Variants in SPAG16 observed in about 807,000 individuals in gnomAD.
SPAG16 encodes sperm-associated antigen 16 protein.
A neutral mutation model predicts 80.4 loss-of-function variants in SPAG16; 86 were observed. That is an observed-to-expected ratio of 1.07 (90% CI 0.90 to 1.28). The LOEUF (loss-of-function observed/expected upper bound fraction) is 1.28. SPAG16 is among the 50% of genes most tolerant of loss of function. The probability of loss-of-function intolerance (pLI) is 0.00; values close to 1 mark genes in which losing one functional copy is unlikely to be tolerated. For synonymous variants in SPAG16, 294 were observed against 265.9 expected (o/e 1.11, Z -1.03); for missense variants, 870 against 765.3 (o/e 1.14, Z -1.61).
At chr2:214,077,362 A>G (rs1292736172) in intron 13 of SPAG16, among the ~76,000 whole-genome samples, 3 of 152,208 alleles carry the variant, frequency 2.0e-5, no homozygotes, top group Non-Finnish European at 2.9e-5. Context: ...TTCTAAACAC[A>G]TGTTTAAAAA....
chr2:213,783,420 G>A (rs1036150696), intron 10 of SPAG16, among the ~76,000 whole-genome samples: 3 of 148,074 alleles, frequency 2.0e-5, no homozygotes, highest in African/African-American at 7.4e-5. Flanking sequence ...CATTTTTGAA[G>A]GCAGAGTATC....
intron 15 of SPAG16, among the ~76,000 whole-genome samples, chr2:214,329,469 A>T (rs536305662): frequency 3.3e-5 from 5 of 152,370 alleles, no homozygotes; most frequent in African/African-American, 1.2e-4. Flanking sequence ...GTTCTGAGAA[A>T]GCAACAGCAC....
chr2:214,132,476 A>G (rs900968217), intron 14 of SPAG16, among the ~76,000 whole-genome samples: 24 of 152,204 alleles, frequency 1.6e-4, no homozygotes, highest in African/African-American at 5.5e-4. Flanking sequence ...GTATTAAACA[A>G]TGGTCTAGAA....
intron 10 of SPAG16, among the ~76,000 whole-genome samples, chr2:213,612,830 C>T (rs2125023771): frequency 6.6e-6 from 1 of 152,128 alleles, no homozygotes; most frequent in African/African-American, 2.4e-5. Context: ...ATTACAGGTG[C>T]CTGCCACCAC....
chr2:213,532,031 C>A (rs568215070), intron 10 of SPAG16, among the ~76,000 whole-genome samples: 1 of 152,240 alleles, frequency 6.6e-6, no homozygotes, highest in South Asian at 2.1e-4. Flanking sequence ...AAAATACTGG[C>A]ATCAAGAAAT....
intron 10 of SPAG16, among the ~76,000 whole-genome samples, chr2:213,616,127 G>A (rs1247590063): frequency 6.6e-6 from 1 of 152,132 alleles, no homozygotes; most frequent in Non-Finnish European, 1.5e-5. Context: ...GTTAACAAAT[G>A]CTCAAAGCCA....
intron 15 of SPAG16, among the ~76,000 whole-genome samples, chr2:214,301,476 G>T (rs1694549560): frequency 6.6e-6 from 1 of 151,946 alleles, no homozygotes; most frequent in Admixed American, 6.6e-5. Flanking sequence ...AAATCACCCA[G>T]GCAAGAGAAA....
At chr2:213,935,943 A>G (rs2078970431) in intron 12 of SPAG16, among the ~76,000 whole-genome samples, 1 of 152,228 alleles carries the variant, frequency 6.6e-6, no homozygotes, top group African/African-American at 2.4e-5. Context: ...CAAATGAAAA[A>G]TGATAATAAT....
chr2:213,888,587 G>A (rs983740049), intron 11 of SPAG16, among the ~76,000 whole-genome samples: 2 of 151,658 alleles, frequency 1.3e-5, no homozygotes, highest in African/African-American at 4.8e-5. Flanking sequence ...CATGAAAGTT[G>A]GTGGTGGAAA....
intron 9 of SPAG16, among the ~76,000 whole-genome samples, chr2:213,430,556 G>C (rs189003226): frequency 6.6e-6 from 1 of 152,110 alleles, no homozygotes. Context: ...TGTGGCCCAG[G>C]GAAGCCAAAA....
intron 10 of SPAG16, among the ~76,000 whole-genome samples, chr2:213,559,029 A>T (rs756557714): frequency 1.3e-5 from 2 of 152,140 alleles, no homozygotes; most frequent in Non-Finnish European, 2.9e-5. Context: ...TCTTGATATT[A>T]TCTAATACCT....
intron 15 of SPAG16, among the ~76,000 whole-genome samples, chr2:214,248,873 G>T (rs1690046461): frequency 6.6e-6 from 1 of 152,224 alleles, no homozygotes; most frequent in Middle Eastern, 3.4e-3. Flanking sequence ...AGAAAAACTG[G>T]AACGATCTGA....
intron 10 of SPAG16, among the ~76,000 whole-genome samples, chr2:213,665,216 CAT>C (rs1191305753): frequency 1.1e-4 from 17 of 152,036 alleles, no homozygotes; most frequent in African/African-American, 3.4e-4. Context: ...TTGAGGAGCA[CAT>C]GTTATGTTTA....
At chr2:214,035,148 C>A (rs1190761084) in intron 13 of SPAG16, among the ~76,000 whole-genome samples, 1 of 152,130 alleles carries the variant, frequency 6.6e-6, no homozygotes, top group Non-Finnish European at 1.5e-5. Flanking sequence ...CTCTCTGCAG[C>A]TGGTCTTATC....
intron 11 of SPAG16, among the ~76,000 whole-genome samples, chr2:213,905,448 T>A (rs1046108330): frequency 2.0e-5 from 3 of 152,262 alleles, no homozygotes; most frequent in African/African-American, 7.2e-5. Context: ...TCCACTGGCA[T>A]ACATCTTTCT....
intron 15 of SPAG16, among the ~76,000 whole-genome samples, chr2:214,274,891 C>A (rs1010368535): frequency 1.3e-5 from 2 of 152,122 alleles, no homozygotes; most frequent in African/African-American, 4.8e-5. Flanking sequence ...CTCTTTGTAC[C>A]TCTAGTAGAA....
intron 10 of SPAG16, among the ~76,000 whole-genome samples, chr2:213,853,542 T>A (rs1349678412): frequency 6.6e-6 from 1 of 152,236 alleles, no homozygotes; most frequent in Non-Finnish European, 1.5e-5. Flanking sequence ...AGGGCATGAC[T>A]TGATTAAGAA....
At chr2:213,858,307 T>A (rs2075265593) in intron 10 of SPAG16, among the ~76,000 whole-genome samples, 1 of 152,140 alleles carries the variant, frequency 6.6e-6, no homozygotes, top group South Asian at 2.1e-4. Context: ...GTTGTCTTAT[T>A]TTCAGAATTT....
chr2:213,550,688 A>G (rs1445924906), intron 10 of SPAG16, among the ~76,000 whole-genome samples: 1 of 152,130 alleles, frequency 6.6e-6, no homozygotes, highest in Non-Finnish European at 1.5e-5. Context: ...TCACTGTTAC[A>G]AATATTATGT....
Sources: gnomAD v4.1 joint callset for allele counts (sites outside exome capture counted in the v4.1 genomes callset) on GRCh38, gnomAD v4.1.1 for gene constraint, MANE v1.5 for transcripts, NCBI Gene and HGNC (gene_info 2026-07-23, HGNC 2026-07-21) for gene names.